Variants in MAPRE2 observed in about 807,000 individuals in gnomAD.
MAPRE2 encodes microtubule associated protein RP/EB family member 2.
In MAPRE2, 13 loss-of-function variants were observed where a neutral mutation model predicts 43.2. The ratio of observed to expected loss-of-function variants is 0.30; its 90% CI spans 0.20 to 0.48. MAPRE2 has a LOEUF of 0.48. Among genes scored for constraint, MAPRE2 ranks in the 20% least tolerant of loss-of-function variants. The probability of loss-of-function intolerance (pLI) is 0.99; values close to 1 mark genes in which losing one functional copy is unlikely to be tolerated. For missense variants in MAPRE2, 161 were observed against 400.2 expected, an observed-to-expected ratio of 0.40 and a Z score of 5.10; for synonymous variants, 135 against 148.8, an observed-to-expected ratio of 0.91 and a Z score of 0.68.
intron 2 of MAPRE2, among the ~76,000 whole-genome samples, chr18:35,007,950 T>C (rs1403627147): frequency 6.6e-6 from 1 of 152,210 alleles, no homozygotes; most frequent in African/African-American, 2.4e-5. Flanking sequence ...TTCATATTGC[T>C]GGATTCAGTG....
chr18:35,116,733 C>G (rs1909427462), intron 4 of MAPRE2, among the ~76,000 whole-genome samples: 1 of 152,184 alleles, frequency 6.6e-6, no homozygotes, highest in Non-Finnish European at 1.5e-5. Context: ...GTCAGCAAGA[C>G]AGTCATGTAG....
At chr18:35,095,682 G>A (rs570354849) in intron 2 of MAPRE2, among the ~76,000 whole-genome samples, 79 of 152,140 alleles carry the variant, frequency 5.2e-4, no homozygotes, top group African/African-American at 1.8e-3. Context: ...CAGGTAATGA[G>A]GCAGTTGTGT....
At chr18:35,081,890 C>G (rs1445263633) in intron 2 of MAPRE2, 1 of 152,088 alleles carries the variant, frequency 6.6e-6, no homozygotes, top group Non-Finnish European at 1.5e-5. Context: ...GCCTGTATAA[C>G]TGTTGATAGT....
intron 4 of MAPRE2, among the ~76,000 whole-genome samples, chr18:35,120,736 T>TA (rs1569011424): frequency 6.6e-6 from 1 of 152,108 alleles, no homozygotes; most frequent in African/African-American, 2.4e-5. Context: ...CTTTTTTTTT[T>TA]AACCAAGCTC....
intron 4 of MAPRE2, among the ~76,000 whole-genome samples, chr18:35,122,202 A>G (rs2039243175): frequency 6.6e-6 from 1 of 152,232 alleles, no homozygotes; most frequent in African/African-American, 2.4e-5. Context: ...TTTCTTAATC[A>G]TGTGACAGCT....
chr18:34,980,563 A>G (rs2097015695), intron 1 of MAPRE2, among the ~76,000 whole-genome samples: 1 of 152,212 alleles, frequency 6.6e-6, no homozygotes, highest in Non-Finnish European at 1.5e-5. Flanking sequence ...ATTGAAAACC[A>G]AAGCATCCTG....
intron 2 of MAPRE2, among the ~76,000 whole-genome samples, chr18:35,024,283 T>C (rs1055608828): frequency 6.6e-6 from 1 of 152,186 alleles, no homozygotes; most frequent in Non-Finnish European, 1.5e-5. Context: ...TAAAGGTTTT[T>C]AAACTCCTAA....
intron 2 of MAPRE2, among the ~76,000 whole-genome samples, chr18:35,009,823 T>C (rs1406775117): frequency 6.6e-6 from 1 of 152,168 alleles, no homozygotes; most frequent in Admixed American, 6.5e-5. Flanking sequence ...TAATCCAACA[T>C]CTCATTTTAC....
At chr18:35,041,302 G>A (rs1905342696), upstream of MAPRE2, 3 of 1,406,338 alleles carry the variant, frequency 2.1e-6, no homozygotes, top group Non-Finnish European at 2.8e-6. Context: ...ATGAGTTAGC[G>A]GGTTGCCATG....
At chr18:35,127,176 A>AGG (rs1909946461) in intron 5 of MAPRE2, 89 bp downstream of exon 5, 1 of 1,377,470 alleles carries the variant, frequency 7.3e-7, no homozygotes, top group African/African-American at 1.4e-5. Flanking sequence ...GGGGTAAGGG[A>AGG]GGGAAGGGTA....
intron 1 of MAPRE2, among the ~76,000 whole-genome samples, chr18:34,980,023 C>CTTTTTTTTTTTTTTT (rs1450524683): frequency 9.1e-5 from 12 of 132,504 alleles, no homozygotes; most frequent in African/African-American, 2.9e-4. Context: ...TTTTCTTTTT[C>CTTTTTTTTTTTTTTT]TTTTTTTCTT....
chr18:35,126,192 T>C (rs962087295), intron 4 of MAPRE2, among the ~76,000 whole-genome samples: 1 of 152,238 alleles, frequency 6.6e-6, no homozygotes, highest in African/African-American at 2.4e-5. Flanking sequence ...GATTAATAGA[T>C]TTTTATTTAT....
At position 35,041,497 on chromosome 18, in the gene MAPRE2, A is replaced by C. The variant is rs757687768; in HGVS notation, c.-43A>C. Reference sequence around the variant, plus strand: ...GGAAGACGCAGCCACCTTCCTCACCAGCCAGCCCACAGCGGTTTGTTCCCC... The same window carrying C: ...GGAAGACGCAGCCACCTTCCTCACCCGCCAGCCCACAGCGGTTTGTTCCCC... On this transcript the variant is annotated 5_prime_UTR_variant, in exon 1 of 7. Coordinates refer to ENST00000300249, the MANE Select transcript of MAPRE2 (RefSeq NM_014268.4). The C allele has an allele frequency of 5.6e-6, 9 of 1,613,760 alleles. No homozygotes were observed. In the East Asian group the frequency reaches 2.0e-4, roughly 36 times the overall value.
At chr18:35,063,999 T>TAAAAAAAAAAAAAAAAAAAAAA (rs1568989696) in intron 1 of MAPRE2, among the ~76,000 whole-genome samples, 1 of 60,694 alleles carries the variant, frequency 1.6e-5, no homozygotes, top group African/African-American at 5.0e-5. Context: ...CCCTGTCTCT[T>TAAAAAAAAAAAAAAAAAAAAAA]TAAAAAAAAA....
chr18:35,069,769 A>G (rs1907013465), intron 1 of MAPRE2, among the ~76,000 whole-genome samples: 1 of 152,172 alleles, frequency 6.6e-6, no homozygotes. Flanking sequence ...ATCACTGCAC[A>G]CCTACTAGAA....
In MAPRE2 at chr18:34,981,895, T is replaced by TA. The variant is rs1417819482; in HGVS notation, c.-70+4816_-70+4817insA. Among the ~76,000 whole-genome samples the TA allele has an allele frequency of 1.4e-3, 205 of 149,080 alleles. 2 individuals carry two copies. The highest frequency in any genetic ancestry group is 3.4e-3 in the Middle Eastern group (1 of 292). On this transcript the variant is annotated intron_variant, in intron 1 of 7. Transcript: ENST00000413393. ...TTTTTTTATTTTTATTTATTTTTTT[T>TA]TTTTTTTGAGACGGAGTCTCACTCT...
At chr18:35,055,577 G>T (rs929092287) in intron 1 of MAPRE2, among the ~76,000 whole-genome samples, 1 of 142,088 alleles carries the variant, frequency 7.0e-6, no homozygotes, top group African/African-American at 2.8e-5. Context: ...GTGTGTGTGT[G>T]TGTATACATA....
At chr18:35,086,731 A>G (rs1364828466) in intron 2 of MAPRE2, among the ~76,000 whole-genome samples, 1 of 152,016 alleles carries the variant, frequency 6.6e-6, no homozygotes, top group African/African-American at 2.4e-5. Context: ...CCACTCTGCA[A>G]TTTCTTAGCT....
intron 1 of MAPRE2, among the ~76,000 whole-genome samples, chr18:35,059,894 G>A (rs1392389444): frequency 6.6e-6 from 1 of 152,158 alleles, no homozygotes; most frequent in Non-Finnish European, 1.5e-5. Flanking sequence ...AGCAGACACC[G>A]AAGTACCTGA....
Sources: gnomAD v4.1 joint callset for allele counts (sites outside exome capture counted in the v4.1 genomes callset) on GRCh38, gnomAD v4.1.1 for gene constraint, MANE v1.5 for transcripts, NCBI Gene and HGNC (gene_info 2026-07-23, HGNC 2026-07-21) for gene names.